PTPRD: variants seen among roughly 807,000 people sequenced by gnomAD.
The protein encoded by PTPRD is protein tyrosine phosphatase receptor type D, also known as receptor-type tyrosine-protein phosphatase delta.
Under a neutral mutation model 214.5 loss-of-function variants are expected in PTPRD, and 34 were observed. That is an observed-to-expected ratio of 0.16 (90% confidence interval 0.12 to 0.21). The LOEUF is 0.21. Among genes scored for constraint, PTPRD ranks in the 10% least tolerant of loss-of-function variants. The probability of loss-of-function intolerance (pLI) is 1.00; values close to 1 mark genes in which losing one functional copy is unlikely to be tolerated. For synonymous variants in PTPRD, 1,128 were observed against 845.7 expected, an observed-to-expected ratio of 1.33 and a Z score of -5.79; for missense variants, 2,545 against 2,398.7, an observed-to-expected ratio of 1.06 and a Z score of -1.27.
chr9:9,651,801 C>G (rs1444629254), intron 7 of PTPRD, among the ~76,000 whole-genome samples: 1 of 137,356 alleles, frequency 7.3e-6, no homozygotes, highest in African/African-American at 2.7e-5. Flanking sequence ...GAATACCACA[C>G]TGCCTTTGTA....
intron 4 of PTPRD, among the ~76,000 whole-genome samples, chr9:9,958,963 T>C (rs1391894763): frequency 6.6e-6 from 1 of 152,096 alleles, no homozygotes; most frequent in African/African-American, 2.4e-5. Flanking sequence ...AAACTACACA[T>C]AGTCTTACCA....
At chr9:9,273,132 T>C (rs1943601473) in intron 9 of PTPRD, among the ~76,000 whole-genome samples, 2 of 151,288 alleles carry the variant, frequency 1.3e-5, no homozygotes, top group African/African-American at 4.8e-5. Context: ...TGCATTCCAT[T>C]GTTAAGTGAC....
chr9:9,297,244 G>C (rs1186812769), intron 9 of PTPRD, among the ~76,000 whole-genome samples: 1 of 151,598 alleles, frequency 6.6e-6, no homozygotes, highest in African/African-American at 2.4e-5. Context: ...TAGAATTTAT[G>C]ATAAAATAAT....
intron 3 of PTPRD, among the ~76,000 whole-genome samples, chr9:10,155,714 G>C (rs1056731668): frequency 2.0e-5 from 3 of 152,132 alleles, no homozygotes; most frequent in Non-Finnish European, 4.4e-5. Flanking sequence ...ATGTGGTTTT[G>C]TCTTTAGTTA....
At chr9:10,285,805 T>G (rs941104540) in intron 3 of PTPRD, among the ~76,000 whole-genome samples, 3 of 151,856 alleles carry the variant, frequency 2.0e-5, no homozygotes, top group Non-Finnish European at 4.4e-5. Context: ...AGAGACCGGT[T>G]TCACCGTGTT....
chr9:8,444,116 A>G (rs2133092636), intron 34 of PTPRD, among the ~76,000 whole-genome samples: 1 of 152,288 alleles, frequency 6.6e-6, no homozygotes, highest in South Asian at 2.1e-4. Context: ...TCTGACATGC[A>G]GAAATAGCAA....
intron 9 of PTPRD, among the ~76,000 whole-genome samples, chr9:9,232,471 G>T: frequency 6.6e-6 from 1 of 152,066 alleles, no homozygotes; most frequent in Non-Finnish European, 1.5e-5. Flanking sequence ...CAATAATGAA[G>T]CTTACAAGTA....
intron 44 of PTPRD, among the ~76,000 whole-genome samples, chr9:8,326,591 G>C (rs1458471822): frequency 6.6e-6 from 1 of 151,700 alleles, no homozygotes; most frequent in East Asian, 1.9e-4. Context: ...CATAAAATGA[G>C]TTAGGAAGGA....
chr9:8,650,115 G>C (rs542319187), intron 12 of PTPRD, among the ~76,000 whole-genome samples: 260 of 152,176 alleles, frequency 1.7e-3, no homozygotes, highest in African/African-American at 6.1e-3. Context: ...ATGGGGTCTA[G>C]CTATGTTGCT....
At chr9:9,488,240 T>C (rs2095742201) in intron 8 of PTPRD, among the ~76,000 whole-genome samples, 1 of 152,230 alleles carries the variant, frequency 6.6e-6, no homozygotes, top group Admixed American at 6.5e-5. Flanking sequence ...ACAATGTTCA[T>C]CACTCCATCA....
Position 9,409,066 on chromosome 9 carries a change from T to C in PTPRD, c.-236-11584A>G, listed in dbSNP as rs185674898. On this transcript the variant is annotated intron_variant, in intron 8 of 45. Coordinates refer to ENST00000381196, the MANE Select transcript of PTPRD (RefSeq NM_002839.4). ...TGAAGTATAACTTTTCTGAAATGTGTCTTTATTCTAGAATATTCTTATCTG... is the reference window on the plus strand; with the variant it reads ...TGAAGTATAACTTTTCTGAAATGTGCCTTTATTCTAGAATATTCTTATCTG... 2.6e-5 allele frequency among the ~76,000 whole-genome samples: 4 copies of C among 152,070 alleles called. No homozygotes were observed. The East Asian group carries it at 5.8e-4, about 22-fold the overall frequency.
chr9:9,935,367 G>A (rs529547305), intron 5 of PTPRD, among the ~76,000 whole-genome samples: 110 of 152,178 alleles, frequency 7.2e-4, no homozygotes, highest in Middle Eastern at 3.4e-3. Context: ...GCTGATAAGC[G>A]ACTTCAGCAG....
At chr9:10,100,300 T>C (rs1229466906) in intron 3 of PTPRD, among the ~76,000 whole-genome samples, 2 of 151,652 alleles carry the variant, frequency 1.3e-5, no homozygotes, top group African/African-American at 2.4e-5. Context: ...GAAGTCTAAA[T>C]ACCATATTAT....
At chr9:9,412,059 C>T (rs2075617965) in intron 8 of PTPRD, among the ~76,000 whole-genome samples, 2 of 152,102 alleles carry the variant, frequency 1.3e-5, no homozygotes, top group Non-Finnish European at 2.9e-5. Context: ...ATGTCTGAGC[C>T]AGCAGAGTAG....
intron 10 of PTPRD, among the ~76,000 whole-genome samples, chr9:9,038,855 C>G (rs765510162): frequency 2.0e-5 from 3 of 152,104 alleles, no homozygotes; most frequent in Admixed American, 6.6e-5. Flanking sequence ...CCCCGCCCAG[C>G]AGATAACTAT....
chr9:9,566,116 G>C (rs1319988048), intron 8 of PTPRD, among the ~76,000 whole-genome samples: 1 of 151,600 alleles, frequency 6.6e-6, no homozygotes, highest in African/African-American at 2.4e-5. Context: ...TTTCATCTTG[G>C]TGTATATATA....
chr9:9,868,561 A>G (rs2064594065), intron 5 of PTPRD, among the ~76,000 whole-genome samples: 1 of 151,984 alleles, frequency 6.6e-6, no homozygotes, highest in African/African-American at 2.4e-5. Context: ...CTATGTGAAT[A>G]AAAAGTAGGG....
At chr9:8,571,007 T>C (rs1323129217) in intron 14 of PTPRD, among the ~76,000 whole-genome samples, 1 of 151,952 alleles carries the variant, frequency 6.6e-6, no homozygotes, top group East Asian at 1.9e-4. Flanking sequence ...TTCCACAGGC[T>C]AACACATAAA....
intron 3 of PTPRD, among the ~76,000 whole-genome samples, chr9:10,302,530 C>T (rs1478027683): frequency 4.6e-5 from 7 of 152,154 alleles, no homozygotes; most frequent in African/African-American, 1.7e-4. Flanking sequence ...ATCTCACGTG[C>T]AAAGACACAC....
Sources: gnomAD v4.1 joint callset for allele counts (sites outside exome capture counted in the v4.1 genomes callset) on GRCh38, gnomAD v4.1.1 for gene constraint, MANE v1.5 for transcripts, NCBI Gene and HGNC (gene_info 2026-07-23, HGNC 2026-07-21) for gene names.